The following PREX2 variants were observed in gnomAD, a reference collection of about 807,000 sequenced individuals.
PREX2 encodes the protein phosphatidylinositol-3,4,5-trisphosphate dependent Rac exchange factor 2.
Under a neutral mutation model 203.2 loss-of-function variants are expected in PREX2, and 107 were observed. That is an observed-to-expected ratio of 0.53 (90% CI 0.45 to 0.62). The LOEUF (loss-of-function observed/expected upper bound fraction) is 0.62. Among genes scored for constraint, PREX2 ranks in the 20% least tolerant of loss-of-function variants. The pLI, the probability that PREX2 is intolerant of heterozygous loss-of-function variation, is 0.00. For synonymous variants in PREX2, 672 were observed against 663.6 expected (o/e 1.01, Z -0.19); for missense variants, 1,777 against 1,955.9 (o/e 0.91, Z 1.72).
At chr8:68,153,930 A>G (rs1278699215) in intron 34 of PREX2, among the ~76,000 whole-genome samples, 1 of 152,250 alleles carries the variant, frequency 6.6e-6, no homozygotes, top group African/African-American at 2.4e-5. Flanking sequence ...AATTTATGAG[A>G]TTGTAGAAGT....
intron 8 of PREX2, among the ~76,000 whole-genome samples, chr8:68,048,206 G>T (rs1247531275): frequency 3.3e-5 from 5 of 152,014 alleles, no homozygotes; most frequent in African/African-American, 7.2e-5. Context: ...GTTTGATCAT[G>T]ATGCTATAAA....
At chr8:68,106,605 CA>C (rs972144768) in intron 23 of PREX2, among the ~76,000 whole-genome samples, 8 of 151,780 alleles carry the variant, frequency 5.3e-5, no homozygotes, top group Non-Finnish European at 1.2e-4. Flanking sequence ...ATATATATCA[CA>C]TATATATATA....
In PREX2 at chr8:68,163,133, A is replaced by G. The variant is rs114738098; in HGVS notation, c.4346+5697A>G. Among the ~76,000 whole-genome samples the G allele has an allele frequency of 1.5e-3, 234 of 152,310 alleles. 1 individual carries two copies. Among genetic ancestry groups the G allele is most frequent in the African/African-American group, 5.3e-3 (219 of 41,574 alleles). ...TATGTACAAGCCAGTTTGGTGTTAT[A>G]GACAACATACAAAAAAAAGATGTGT... On this transcript the variant is annotated intron_variant, in intron 35 of 39. Transcript: ENST00000288368.
At chr8:68,036,340 A>G (rs978865753) in intron 6 of PREX2, among the ~76,000 whole-genome samples, 2 of 152,180 alleles carry the variant, frequency 1.3e-5, no homozygotes, top group Non-Finnish European at 2.9e-5. Flanking sequence ...AAGTCAGGAA[A>G]TGTTTTGTTA....
intron 35 of PREX2, among the ~76,000 whole-genome samples, chr8:68,183,808 T>A (rs940670265): frequency 6.6e-6 from 1 of 152,116 alleles, no homozygotes; most frequent in African/African-American, 2.4e-5. Context: ...ATCATTACAT[T>A]TTCAGGGGAT....
At chr8:68,019,445 G>T (rs6984225) in intron 2 of PREX2, 104 bp from the exon 3 acceptor site, 102,195 of 838,786 alleles carry the variant, frequency 0.12, 6,984 homozygotes, top group African/African-American at 0.23. Context: ...TGGGAGGAAG[G>T]CATGGATGTA....
chr8:68,217,478 G>A, intron 37 of PREX2, 138 bp from the exon 38 acceptor site: 1 of 612,310 alleles, frequency 1.6e-6, no homozygotes, highest in East Asian at 2.8e-5. Context: ...GGTATTTTAT[G>A]TAGAAAAATC....
chr8:68,105,682 T>TCC, intron 23 of PREX2: 1 of 73,616 alleles, frequency 1.4e-5, no homozygotes, highest in Non-Finnish European at 1.5e-5. Context: ...ATATATGGAT[T>TCC]ATATATATAT....
chr8:68,025,571 A>G (rs181045793), intron 4 of PREX2, among the ~76,000 whole-genome samples: 4 of 147,934 alleles, frequency 2.7e-5, no homozygotes, highest in Admixed American at 2.0e-4. Flanking sequence ...TTTAGCCATT[A>G]TTTTAGAAAT....
intron 1 of PREX2, among the ~76,000 whole-genome samples, chr8:67,974,185 T>A (rs529341773): frequency 1.2e-3 from 176 of 152,302 alleles, no homozygotes; most frequent in African/African-American, 4.0e-3. Context: ...ACAGCTTTTT[T>A]AAGATAATGT....
chr8:67,962,406 T>C (rs1441516130), intron 1 of PREX2, among the ~76,000 whole-genome samples: 1 of 152,066 alleles, frequency 6.6e-6, no homozygotes, highest in Non-Finnish European at 1.5e-5. Flanking sequence ...GGAGACCATC[T>C]ATGGAAAGGC....
At chr8:68,165,032 C>T (rs1228924480) in intron 35 of PREX2, among the ~76,000 whole-genome samples, 2 of 151,252 alleles carry the variant, frequency 1.3e-5, no homozygotes, top group African/African-American at 4.9e-5. Flanking sequence ...GCCACTAGAC[C>T]ACAGAGTACA....
chr8:68,060,564 A>G, intron 10 of PREX2, 115 bp from the exon 11 acceptor site: 1 of 679,480 alleles, frequency 1.5e-6, no homozygotes. Context: ...TGTGTTGCAA[A>G]TATTCCTTTA....
intron 7 of PREX2, among the ~76,000 whole-genome samples, chr8:68,041,552 A>G (rs1460685838): frequency 1.3e-5 from 2 of 152,142 alleles, no homozygotes; most frequent in Non-Finnish European, 2.9e-5. Flanking sequence ...AATTGTTGAC[A>G]TCTCTATTCT....
chr8:67,980,587 C>T (rs1029124923), intron 1 of PREX2, among the ~76,000 whole-genome samples: 7 of 152,158 alleles, frequency 4.6e-5, no homozygotes, highest in Admixed American at 2.6e-4. Context: ...ATTGCTGATA[C>T]GGTTTGGCTG....
rs192850942 is a variant in PREX2 at position 68,053,326 on chromosome 8, A to G, written c.1093+80A>G. ...GGAGCAGATAATGGGAAAACATGAG[A>G]AAATGGAAAGGTATATGATGGTCAC... is the stretch of plus-strand genomic sequence containing the variant. On this transcript the variant is annotated intron_variant, in intron 9 of 39. Transcript: ENST00000288368. The G allele has an allele frequency of 5.1e-5, 74 of 1,462,440 alleles. 2 individuals are homozygous for G. In the East Asian group the frequency reaches 1.6e-3, roughly 31 times the overall value. The allele number at this position is 1,462,440 out of a possible 1,614,324, so 90.6% of individuals were successfully genotyped here.
chr8:68,154,982 A>G (rs574604962), intron 34 of PREX2, among the ~76,000 whole-genome samples: 1 of 152,238 alleles, frequency 6.6e-6, no homozygotes, highest in South Asian at 2.1e-4. Context: ...TTGGAATTTG[A>G]ATGAGCTGGA....
chr8:68,137,780 T>C (rs1811142331), intron 32 of PREX2, among the ~76,000 whole-genome samples: 1 of 152,172 alleles, frequency 6.6e-6, no homozygotes, highest in African/African-American at 2.4e-5. Flanking sequence ...GCCTTAGCTA[T>C]AAAACTATAT....
chr8:68,148,352 C>T (rs1811368233), intron 34 of PREX2, among the ~76,000 whole-genome samples: 1 of 152,202 alleles, frequency 6.6e-6, no homozygotes, highest in Non-Finnish European at 1.5e-5. Context: ...TTAGCCAGGA[C>T]TTACAATTGT....
Sources: allele counts gnomAD v4.1 joint callset (sites outside exome capture counted in the v4.1 genomes callset), GRCh38; gene constraint gnomAD v4.1.1; transcripts MANE v1.5; gene names NCBI Gene and HGNC (gene_info 2026-07-23, HGNC 2026-07-21).